LIFR: variants seen among roughly 807,000 people sequenced by gnomAD.
LIFR encodes the protein leukemia inhibitory factor receptor.
In LIFR, 84 loss-of-function variants were observed where a neutral mutation model predicts 122.2. The ratio of observed to expected loss-of-function variants is 0.69; its 90% CI spans 0.58 to 0.82. The LOEUF (loss-of-function observed/expected upper bound fraction) is 0.82, where lower values mean the gene tolerates loss of function less well. LIFR is among the 40% of genes least tolerant of loss of function. LIFR has a pLI of 0.00. For missense variants in LIFR, 1,294 were observed against 1,311.6 expected, an observed-to-expected ratio of 0.99 and a Z score of 0.21; for synonymous variants, 422 against 434.7, an observed-to-expected ratio of 0.97 and a Z score of 0.36.
At chr5:38,606,779 T>A (rs1750338410) in intron 1 of LIFR, among the ~76,000 whole-genome samples, 1 of 152,166 alleles carries the variant, frequency 6.6e-6, no homozygotes, top group Admixed American at 6.5e-5. Context: ...TACCTTTCCA[T>A]CAAGGACACT....
chr5:38,512,640 AAAACAAC>A (rs1253645473), intron 5 of LIFR, among the ~76,000 whole-genome samples: 2 of 151,996 alleles, frequency 1.3e-5, no homozygotes, highest in African/African-American at 4.8e-5. Flanking sequence ...ATCCTGTCTA[AAAACAAC>A]AAAAAATAAA....
chr5:38,553,285 C>G (rs1264525736), intron 1 of LIFR, among the ~76,000 whole-genome samples: 1 of 152,112 alleles, frequency 6.6e-6, no homozygotes, highest in Admixed American at 6.5e-5. Context: ...AGAGGCTTCT[C>G]AGGCCACTTG....
At chr5:38,585,342 G>T (rs1376160983) in intron 1 of LIFR, among the ~76,000 whole-genome samples, 2 of 152,184 alleles carry the variant, frequency 1.3e-5, no homozygotes, top group Non-Finnish European at 2.9e-5. Flanking sequence ...ATCAAAAGGG[G>T]TTGTAATTAA....
chr5:38,555,550 T>A (rs1748475109), intron 1 of LIFR, among the ~76,000 whole-genome samples: 1 of 152,176 alleles, frequency 6.6e-6, no homozygotes, highest in East Asian at 1.9e-4. Flanking sequence ...ATGTATCTTT[T>A]AAAGACACAT....
intron 12 of LIFR, among the ~76,000 whole-genome samples, chr5:38,498,592 GCACCATCAGC>G (rs1439787641): frequency 2.0e-5 from 3 of 152,132 alleles, no homozygotes; most frequent in Non-Finnish European, 4.4e-5. Flanking sequence ...GCAAATGGCG[GCACCATCAGC>G]ATAGATAATG....
chr5:38,506,369 T>C (rs1297698759), intron 8 of LIFR, 134 bp downstream of exon 8: 1 of 1,026,994 alleles, frequency 9.7e-7, no homozygotes, highest in East Asian at 2.4e-5. Context: ...TGCTTATAAG[T>C]GTAATTTTAT....
At position 38,477,263 on chromosome 5, in the gene LIFR, G is replaced by A. The variant is rs564558255; in HGVS notation, c.*4332C>T. The A allele has an allele frequency of 5.5e-5, 12 of 219,868 alleles. No individual in the cohort carries two copies. The highest frequency in any genetic ancestry group is 2.7e-4 in the African/African-American group (12 of 44,788). The allele number at this position is 219,868 out of a possible 1,614,324, so 13.6% of individuals were successfully genotyped here. On this transcript the variant is annotated 3_prime_UTR_variant, in exon 20 of 20. Coordinates refer to ENST00000453190, the MANE Select transcript of LIFR (RefSeq NM_001127671.2). Reference sequence around the variant, plus strand: ...AAAGATAAAAACGAACCAAATTCAAGCCAAGTAATTTCCAATGATATTCTA... The same window carrying A: ...AAAGATAAAAACGAACCAAATTCAAACCAAGTAATTTCCAATGATATTCTA...
intron 1 of LIFR, among the ~76,000 whole-genome samples, chr5:38,582,068 T>C (rs919284970): frequency 3.4e-4 from 51 of 151,736 alleles, no homozygotes; most frequent in African/African-American, 1.2e-3. Flanking sequence ...CTTTTTTTTT[T>C]TTCTTTTTTT....
intron 1 of LIFR, among the ~76,000 whole-genome samples, chr5:38,580,492 C>T (rs1749546052): frequency 6.6e-6 from 1 of 152,082 alleles, no homozygotes; most frequent in Non-Finnish European, 1.5e-5. Context: ...AAATTCTTCC[C>T]TTGACACTCT....
chr5:38,483,415 GT>G (rs749979726), intron 18 of LIFR, among the ~76,000 whole-genome samples: 2 of 151,340 alleles, frequency 1.3e-5, no homozygotes, highest in East Asian at 1.9e-4. Context: ...TAATAGTTGG[GT>G]TTTTTTTGTT....
intron 1 of LIFR, among the ~76,000 whole-genome samples, chr5:38,583,045 G>A (rs77576690): frequency 4.7e-4 from 72 of 152,318 alleles, no homozygotes; most frequent in African/African-American, 1.7e-3. Context: ...AATAAGAGTC[G>A]TTTGAGAACA....
At chr5:38,538,292 G>A (rs550355858) in intron 1 of LIFR, among the ~76,000 whole-genome samples, 11 of 152,282 alleles carry the variant, frequency 7.2e-5, no homozygotes, top group African/African-American at 2.6e-4. Context: ...TATTATCTGT[G>A]CTTGTGGCTA....
In LIFR at chr5:38,479,854, A is replaced by G. The variant is rs760950378; in HGVS notation, c.*1741T>C. Reference sequence around the variant, plus strand: ...TCATTACTGAACATTTCTATGAACTATTATATAGTTTTAATATACTATGTA... The same window carrying G: ...TCATTACTGAACATTTCTATGAACTGTTATATAGTTTTAATATACTATGTA... On this transcript the variant is annotated 3_prime_UTR_variant, in exon 20 of 20. Transcript: ENST00000453190. The G allele has an allele frequency of 5.3e-5, 12 of 226,748 alleles. No individual in the cohort carries two copies. Among genetic ancestry groups the G allele is most frequent in the Non-Finnish European group, 9.6e-5 (11 of 114,096 alleles). 14.0% of individuals were successfully genotyped at this position (226,748 alleles called of 1,614,324 possible). A position where few individuals can be genotyped will look rare whatever the true frequency, so the allele number is the denominator to read the frequency against.
intron 5 of LIFR, among the ~76,000 whole-genome samples, chr5:38,515,547 T>C (rs1402261195): frequency 6.6e-6 from 1 of 150,674 alleles, no homozygotes; most frequent in Non-Finnish European, 1.5e-5. Flanking sequence ...TACCAAAAAT[T>C]ATCATAGACT....
chr5:38,488,034 G>T (rs1330345563), intron 16 of LIFR, among the ~76,000 whole-genome samples: 3 of 152,126 alleles, frequency 2.0e-5, no homozygotes, highest in Non-Finnish European at 4.4e-5. Flanking sequence ...ATTAGAGTTT[G>T]GGGGTGTTTC....
Position 38,481,625 on chromosome 5 carries a change from T to C in LIFR, c.3264A>G (p.Thr1088=), listed in dbSNP as rs756927234. 9 of 1,614,136 alleles carry C rather than the reference T, an allele frequency of 5.6e-6. No homozygotes were observed. Among genetic ancestry groups the C allele is most frequent in the Non-Finnish European group, 5.9e-6 (7 of 1,179,996 alleles). The change falls in exon 20 of 20, where the codon ACA becomes ACG. Residue 1088 remains threonine, a synonymous_variant. Coordinates refer to ENST00000453190, the MANE Select transcript of LIFR (RefSeq NM_001127671.2). ...PKSNGGGWSF[T]NFFQNKPND is the part of the protein sequence containing the mutation. ...CGTTTGGTTTGTTCTGAAAAAAGTT[T>C]GTAAAGGACCACCCTCCTCCATTAG...
At chr5:38,578,495 C>T (rs1561222755) in intron 1 of LIFR, among the ~76,000 whole-genome samples, 1 of 151,758 alleles carries the variant, frequency 6.6e-6, no homozygotes, top group Admixed American at 6.6e-5. Context: ...CATGAGACAC[C>T]ACGCCCAACC....
At chr5:38,568,871 G>A (rs904974756) in intron 1 of LIFR, among the ~76,000 whole-genome samples, 1 of 152,188 alleles carries the variant, frequency 6.6e-6, no homozygotes, top group African/African-American at 2.4e-5. Flanking sequence ...AGGAAAGAAA[G>A]CACAACTGGG....
rs991575485 is a variant in LIFR at position 38,499,281 on chromosome 5, A to G, written c.1671+232T>C. Among the ~76,000 whole-genome samples, 7 of 152,324 alleles carry G rather than the reference A, an allele frequency of 4.6e-5. No individual in the cohort carries two copies. In the East Asian group the frequency reaches 1.3e-3, roughly 29 times the overall value. ...AATCTTCAGGTCCTTTACAGGCCTT[A>G]TAAGATCAAACTCGAGAAGGCTCAG... On this transcript the variant is annotated intron_variant, in intron 12 of 19. Coordinates refer to ENST00000453190, the MANE Select transcript of LIFR (RefSeq NM_001127671.2).
Sources: allele counts gnomAD v4.1 joint callset (sites outside exome capture counted in the v4.1 genomes callset), GRCh38; gene constraint gnomAD v4.1.1; transcripts MANE v1.5; gene names NCBI Gene and HGNC (gene_info 2026-07-23, HGNC 2026-07-21).